ARL15: variants seen among roughly 807,000 people sequenced by gnomAD.
The protein encoded by ARL15 is ARF like GTPase 15.
ARL15 carries 19 observed loss-of-function variants against 25.2 expected under a neutral mutation model. The ratio of observed to expected loss-of-function variants is 0.75; its 90% CI spans 0.53 to 1.10. The LOEUF (loss-of-function observed/expected upper bound fraction) is 1.10, where lower values mean the gene tolerates loss of function less well. Among genes scored for constraint, ARL15 ranks in the 50% least tolerant of loss-of-function variants. The probability of loss-of-function intolerance (pLI) is 0.00; values close to 1 mark genes in which losing one functional copy is unlikely to be tolerated. For synonymous variants in ARL15, 94 were observed against 86.8 expected (o/e 1.08, Z -0.46); for missense variants, 220 against 246.0 (o/e 0.89, Z 0.71).
At chr5:53,925,997 C>CTTT (rs70986651) in intron 4 of ARL15, among the ~76,000 whole-genome samples, 32 of 122,694 alleles carry the variant, frequency 2.6e-4, no homozygotes, top group Non-Finnish European at 4.9e-4. Flanking sequence ...TTTTTTCTTT[C>CTTT]TTTTTTTTTT....
chr5:54,072,117 T>C (rs1751446170), intron 4 of ARL15, among the ~76,000 whole-genome samples: 1 of 152,114 alleles, frequency 6.6e-6, no homozygotes. Context: ...GCACTGACAC[T>C]GGGCCAATTT....
intron 4 of ARL15, among the ~76,000 whole-genome samples, chr5:54,024,647 C>T (rs1438469015): frequency 6.6e-6 from 1 of 152,084 alleles, no homozygotes; most frequent in East Asian, 1.9e-4. Flanking sequence ...TATTTATGTT[C>T]ATCATAACAC....
intron 4 of ARL15, among the ~76,000 whole-genome samples, chr5:54,024,993 G>T (rs1271510172): frequency 6.6e-6 from 1 of 152,068 alleles, no homozygotes; most frequent in African/African-American, 2.4e-5. Context: ...ATGTCTATTT[G>T]TAGTATGTGT....
intron 4 of ARL15, among the ~76,000 whole-genome samples, chr5:54,111,943 T>G (rs1436809792): frequency 6.6e-6 from 1 of 152,146 alleles, no homozygotes; most frequent in Non-Finnish European, 1.5e-5. Flanking sequence ...GCTGAAGATC[T>G]TCACATTAAT....
chr5:53,988,493 A>G (rs1296360792), intron 4 of ARL15, among the ~76,000 whole-genome samples: 5 of 152,192 alleles, frequency 3.3e-5, no homozygotes, highest in Admixed American at 3.3e-4. Flanking sequence ...GTTAGCTTCT[A>G]AAGGGTTAAG....
chr5:54,183,156 T>G (rs255682), intron 1 of ARL15, among the ~76,000 whole-genome samples: 25,989 of 74,866 alleles, frequency 0.35, 6,851 homozygotes, highest in East Asian at 0.97. Flanking sequence ...TCTCCTGCCT[T>G]ATTGCCCCAG....
At chr5:53,896,653 C>T (rs949586016) in intron 4 of ARL15, among the ~76,000 whole-genome samples, 3 of 152,068 alleles carry the variant, frequency 2.0e-5, no homozygotes, top group East Asian at 3.9e-4. Context: ...CCCGCCACCA[C>T]GCCCGGCTAA....
chr5:54,310,523 A>C lies in ARL15; in HGVS notation c.-44T>G. The C allele has an allele frequency of 6.4e-7, 1 of 1,569,826 alleles. No homozygotes were observed. The highest frequency in any genetic ancestry group is 8.6e-7 in the Non-Finnish European group (1 of 1,158,870). Reference sequence around the variant, plus strand: ...CGGAACGGCTCCGAACCCGGAAAAAAAAAGCAGCGTCTCTGGCTGCGAGCG... The same window carrying C: ...CGGAACGGCTCCGAACCCGGAAAAACAAAGCAGCGTCTCTGGCTGCGAGCG... On this transcript the variant is annotated 5_prime_UTR_variant, in exon 1 of 5. Transcript: ENST00000504924.
In ARL15 at chr5:54,307,646, G is replaced by A. The variant is rs1434901925; in HGVS notation, c.48+2786C>T. On this transcript the variant is annotated intron_variant, in intron 1 of 4. Coordinates refer to ENST00000504924, the MANE Select transcript of ARL15 (RefSeq NM_019087.3). Reference sequence around the variant, plus strand: ...TTTAATATCTCAATCTTATTAAAAGGATTAATCCTGTTAAGACAAAATAGC... The same window carrying A: ...TTTAATATCTCAATCTTATTAAAAGAATTAATCCTGTTAAGACAAAATAGC... 3.3e-5 allele frequency among the ~76,000 whole-genome samples: 5 copies of A among 152,148 alleles called. No individual in the cohort carries two copies. The East Asian group carries it at 9.7e-4, about 29-fold the overall frequency.
At chr5:54,104,406 T>G (rs1752531831) in intron 4 of ARL15, among the ~76,000 whole-genome samples, 2 of 152,306 alleles carry the variant, frequency 1.3e-5, no homozygotes, top group East Asian at 3.9e-4. Context: ...TTAAAATGTT[T>G]CAATATTTCC....
At chr5:54,074,968 T>C (rs543774239) in intron 4 of ARL15, among the ~76,000 whole-genome samples, 16 of 149,512 alleles carry the variant, frequency 1.1e-4, no homozygotes, top group Admixed American at 5.4e-4. Flanking sequence ...TGAGGAATTT[T>C]ATATCCCCAC....
At chr5:53,998,465 T>G (rs1748755516) in intron 4 of ARL15, among the ~76,000 whole-genome samples, 1 of 152,102 alleles carries the variant, frequency 6.6e-6, no homozygotes, top group Non-Finnish European at 1.5e-5. Flanking sequence ...TTAGCATACC[T>G]TTAAGTGGCT....
At chr5:54,096,652 T>C (rs1034730523) in intron 4 of ARL15, among the ~76,000 whole-genome samples, 1 of 152,242 alleles carries the variant, frequency 6.6e-6, no homozygotes, top group East Asian at 1.9e-4. Flanking sequence ...CTCAAGTGAT[T>C]CATCCACCTT....
At chr5:54,131,539 T>C (rs2112278175) in intron 3 of ARL15, among the ~76,000 whole-genome samples, 1 of 152,266 alleles carries the variant, frequency 6.6e-6, no homozygotes, top group South Asian at 2.1e-4. Flanking sequence ...GGAGCCAGAG[T>C]AGTCAGTTAT....
At chr5:53,944,412 A>G (rs533026817) in intron 4 of ARL15, among the ~76,000 whole-genome samples, 53 of 152,138 alleles carry the variant, frequency 3.5e-4, no homozygotes, top group South Asian at 1.7e-3. Flanking sequence ...GGAGTTTGAG[A>G]CCATCCTGGG....
At chr5:53,979,450 G>A (rs752123498) in intron 4 of ARL15, among the ~76,000 whole-genome samples, 15 of 152,164 alleles carry the variant, frequency 9.9e-5, no homozygotes, top group South Asian at 8.3e-4. Context: ...TGAACTGGGA[G>A]GATCACTAGA....
chr5:53,975,639 G>A (rs1008907961), intron 4 of ARL15, among the ~76,000 whole-genome samples: 2 of 152,224 alleles, frequency 1.3e-5, no homozygotes, highest in African/African-American at 4.8e-5. Context: ...CCCATGGGGC[G>A]TGGCAATGCC....
chr5:54,164,610 C>G (rs1205442422), intron 2 of ARL15, among the ~76,000 whole-genome samples: 1 of 152,020 alleles, frequency 6.6e-6, no homozygotes, highest in Non-Finnish European at 1.5e-5. Context: ...TCATTATGAA[C>G]TTCTTTATCC....
intron 4 of ARL15, among the ~76,000 whole-genome samples, chr5:54,003,408 C>T (rs998463789): frequency 6.6e-6 from 1 of 152,186 alleles, no homozygotes; most frequent in Admixed American, 6.5e-5. Context: ...ATCAGCCAGC[C>T]ATTTCTCACA....
Sources: gnomAD v4.1 joint callset for allele counts (sites outside exome capture counted in the v4.1 genomes callset) on GRCh38, gnomAD v4.1.1 for gene constraint, MANE v1.5 for transcripts, NCBI Gene and HGNC (gene_info 2026-07-23, HGNC 2026-07-21) for gene names.